TRPM3: variants seen among roughly 807,000 people sequenced by gnomAD.
The protein encoded by TRPM3 is long transient receptor potential channel 3.
In TRPM3, 77 loss-of-function variants were observed where a neutral mutation model predicts 181.2. That is an observed-to-expected ratio of 0.42 (90% CI 0.35 to 0.51). TRPM3 has a LOEUF of 0.51. Among genes scored for constraint, TRPM3 ranks in the 20% least tolerant of loss-of-function variants. TRPM3 has a pLI of 0.01. For synonymous variants in TRPM3, 745 were observed against 796.4 expected (o/e 0.94, Z 1.09); for missense variants, 1,759 against 2,196.7 (o/e 0.80, Z 3.98).
chr9:70,670,324 A>G (rs112729789), intron 9 of TRPM3, among the ~76,000 whole-genome samples: 1 of 152,244 alleles, frequency 6.6e-6, no homozygotes, highest in Non-Finnish European at 1.5e-5. Flanking sequence ...TAAAACTTGT[A>G]TAAACATGCT....
intron 1 of TRPM3, among the ~76,000 whole-genome samples, chr9:71,256,967 A>G (rs184628085): frequency 6.6e-6 from 1 of 152,344 alleles, no homozygotes. Context: ...CATAATGTAT[A>G]AATCCTAAAC....
intron 12 of TRPM3, among the ~76,000 whole-genome samples, chr9:70,631,836 GT>G (rs2065909747): frequency 6.6e-6 from 1 of 152,186 alleles, no homozygotes; most frequent in Admixed American, 6.5e-5. Context: ...ATTCAGTTCT[GT>G]TGGTCTCAAA....
intron 1 of TRPM3, among the ~76,000 whole-genome samples, chr9:71,257,227 A>T (rs551674010): frequency 2.0e-5 from 3 of 152,278 alleles, no homozygotes; most frequent in Admixed American, 2.0e-4. Context: ...TGAGGCTCTA[A>T]ATTGATAGGA....
intron 1 of TRPM3, among the ~76,000 whole-genome samples, chr9:71,030,164 G>A (rs1218422727): frequency 3.3e-5 from 5 of 152,130 alleles, no homozygotes; most frequent in Non-Finnish European, 7.4e-5. Flanking sequence ...ATTTTGTAAA[G>A]TTTGTTTAAT....
At chr9:71,271,853 A>G (rs2132131653) in intron 1 of TRPM3, among the ~76,000 whole-genome samples, 1 of 152,304 alleles carries the variant, frequency 6.6e-6, no homozygotes, top group Non-Finnish European at 1.5e-5. Context: ...GACATGAAAG[A>G]AAGGGGCAAA....
intron 1 of TRPM3, among the ~76,000 whole-genome samples, chr9:70,966,562 T>C (rs1564861494): frequency 6.6e-6 from 1 of 152,014 alleles, no homozygotes; most frequent in African/African-American, 2.4e-5. Context: ...TATGCAGCCA[T>C]AAAAAAGAAT....
chr9:70,937,517 C>T (rs1394730030), intron 1 of TRPM3, among the ~76,000 whole-genome samples: 1 of 152,154 alleles, frequency 6.6e-6, no homozygotes, highest in Non-Finnish European at 1.5e-5. Context: ...TCCAAAATTA[C>T]TGAGTCAATG....
intron 25 of TRPM3, among the ~76,000 whole-genome samples, chr9:70,538,062 C>G (rs1257420066): frequency 6.6e-6 from 1 of 152,130 alleles, no homozygotes; most frequent in Non-Finnish European, 1.5e-5. Flanking sequence ...CAGGATTGAT[C>G]TAATCTAATC....
intron 1 of TRPM3, among the ~76,000 whole-genome samples, chr9:70,866,824 G>A (rs576534427): frequency 4.5e-4 from 69 of 152,140 alleles, no homozygotes; most frequent in African/African-American, 1.6e-3. Context: ...ATCTGACTCT[G>A]TGAGGAAAGT....
chr9:71,323,901 A>G (rs868804575), intron 1 of TRPM3, among the ~76,000 whole-genome samples: 4 of 152,154 alleles, frequency 2.6e-5, no homozygotes, highest in African/African-American at 7.2e-5. Flanking sequence ...ATGACAGTCA[A>G]ATTGACTACT....
intron 1 of TRPM3, among the ~76,000 whole-genome samples, chr9:71,272,945 G>A (rs1588227722): frequency 6.6e-6 from 1 of 151,548 alleles, no homozygotes; most frequent in East Asian, 1.9e-4. Context: ...CATGATCTCA[G>A]CTCACTGCAA....
intron 25 of TRPM3, among the ~76,000 whole-genome samples, chr9:70,548,278 A>G (rs77117248): frequency 1.7e-3 from 252 of 152,342 alleles, no homozygotes; most frequent in African/African-American, 5.8e-3. Flanking sequence ...ATATCATCAT[A>G]AAATGGTCTA....
At chr9:70,798,604 C>T (rs1002492290) in intron 6 of TRPM3, among the ~76,000 whole-genome samples, 2 of 152,168 alleles carry the variant, frequency 1.3e-5, no homozygotes, top group Non-Finnish European at 2.9e-5. Context: ...TCTCAGATAA[C>T]ATTCTGGTTC....
At chr9:71,323,834 C>T (rs888524706) in intron 1 of TRPM3, among the ~76,000 whole-genome samples, 1 of 152,000 alleles carries the variant, frequency 6.6e-6, no homozygotes. Context: ...GAGCTCGTTA[C>T]TGGATTTCTC....
At chr9:70,677,677 GAA>G (rs2064359825) in intron 9 of TRPM3, among the ~76,000 whole-genome samples, 1 of 152,218 alleles carries the variant, frequency 6.6e-6, no homozygotes, top group Admixed American at 6.5e-5. Context: ...GCATAAAAAT[GAA>G]AAGTTTTCTG....
At chr9:70,627,195 C>G (rs559179626) in intron 12 of TRPM3, among the ~76,000 whole-genome samples, 43 of 151,170 alleles carry the variant, frequency 2.8e-4, no homozygotes, top group Non-Finnish European at 5.3e-4. Context: ...CAGTGGCTAT[C>G]CTCAATGGAG....
At chr9:70,882,629 T>C (rs901423215) in intron 1 of TRPM3, among the ~76,000 whole-genome samples, 2 of 152,172 alleles carry the variant, frequency 1.3e-5, no homozygotes, top group African/African-American at 2.4e-5. Context: ...TGAAAACAGA[T>C]GAATGAATTA....
chr9:71,305,032 G>C (rs1003427146), intron 1 of TRPM3, among the ~76,000 whole-genome samples: 1 of 152,164 alleles, frequency 6.6e-6, no homozygotes, highest in African/African-American at 2.4e-5. Flanking sequence ...CTGTGAGACA[G>C]AGATTACACT....
chr9:70,595,713 C>G (rs2058895783), intron 21 of TRPM3, among the ~76,000 whole-genome samples: 1 of 152,148 alleles, frequency 6.6e-6, no homozygotes, highest in South Asian at 2.1e-4. Flanking sequence ...ACCTCCTGAG[C>G]CCTATCCCTT....
Sources: allele counts gnomAD v4.1 joint callset (sites outside exome capture counted in the v4.1 genomes callset), GRCh38; gene constraint gnomAD v4.1.1; transcripts MANE v1.5; gene names NCBI Gene and HGNC (gene_info 2026-07-23, HGNC 2026-07-21).